Variants in GOT1 observed in about 807,000 individuals in gnomAD.
GOT1 encodes the protein aspartate aminotransferase, cytoplasmic.
A neutral mutation model predicts 48.2 loss-of-function variants in GOT1; 25 were observed. The observed-to-expected ratio is 0.52, with a 90% CI of 0.38 to 0.72. GOT1 has a LOEUF of 0.72. Among genes scored for constraint, GOT1 ranks in the 30% least tolerant of loss-of-function variants. The probability of loss-of-function intolerance (pLI) is 0.00; values close to 1 mark genes in which losing one functional copy is unlikely to be tolerated. For synonymous variants in GOT1, 188 were observed against 193.8 expected, an observed-to-expected ratio of 0.97 and a Z score of 0.25; for missense variants, 380 against 520.1, an observed-to-expected ratio of 0.73 and a Z score of 2.62.
Position 99,403,556 on chromosome 10 carries a change from A to G in GOT1, c.872T>C (p.Ile291Thr), listed in dbSNP as rs573069642. The G allele has an allele frequency of 1.9e-6, 3 of 1,614,050 alleles. No homozygotes were observed. In the South Asian group the frequency reaches 3.3e-5, roughly 18 times the overall value. The change falls in exon 7 of 9, where the codon ATC becomes ACC. Residue 291 changes from isoleucine to threonine, a missense_variant. Coordinates refer to ENST00000370508, the MANE Select transcript of GOT1 (RefSeq NM_002079.3). ...GGGATTGGACCAAGTAATCCGCACG[A>G]TCTTCTCCATCTGGGAAAGGACTTG... The part of the protein sequence containing the change: ...ILQVLSQMEK[I>T]VRITWSNPPA...
intron 1 of GOT1, chr10:99,430,102 G>T: frequency 6.6e-6 from 3 of 455,446 alleles, no homozygotes; most frequent in Non-Finnish European, 8.5e-6. Context: ...AGCCTATCAG[G>T]CTTCCTATTT....
chr10:99,412,333 G>T (rs555878883), intron 2 of GOT1, among the ~76,000 whole-genome samples: 1 of 151,968 alleles, frequency 6.6e-6, no homozygotes, highest in African/African-American at 2.4e-5. Context: ...GGGAGCTATG[G>T]GCGGTGGGGG....
chr10:99,427,488 C>G (rs2033054967), intron 1 of GOT1, among the ~76,000 whole-genome samples: 1 of 152,174 alleles, frequency 6.6e-6, no homozygotes, highest in South Asian at 2.1e-4. Context: ...CCAGGATGGT[C>G]TCAATCTCCT....
At chr10:99,421,827 G>T (rs146461899) in intron 1 of GOT1, among the ~76,000 whole-genome samples, 16 of 152,028 alleles carry the variant, frequency 1.1e-4, no homozygotes, top group Admixed American at 3.3e-4. Flanking sequence ...GAGTGATACT[G>T]ATTTTTATTT....
rs908983553 is a variant in GOT1 at position 99,396,909 on chromosome 10, A to G, written c.*638T>C. On this transcript the variant is annotated 3_prime_UTR_variant, in exon 9 of 9. Coordinates refer to ENST00000370508, the MANE Select transcript of GOT1 (RefSeq NM_002079.3). ...TTTATTTTATTTTTTTAGGTGAAGTAGAACACAATAGAATGGCTCAAAAAT... is the reference window on the plus strand; with the variant it reads ...TTTATTTTATTTTTTTAGGTGAAGTGGAACACAATAGAATGGCTCAAAAAT... 3 of 152,260 alleles carry G rather than the reference A, an allele frequency of 2.0e-5. No individual in the cohort carries two copies. Among genetic ancestry groups the G allele is most frequent in the Admixed American group, 1.3e-4 (2 of 15,284 alleles). 9.4% of individuals were successfully genotyped at this position (152,260 alleles called of 1,614,324 possible).
intron 1 of GOT1, among the ~76,000 whole-genome samples, chr10:99,427,023 T>G (rs892501534): frequency 9.2e-5 from 14 of 152,224 alleles, no homozygotes; most frequent in African/African-American, 3.4e-4. Context: ...GACCTTTTAT[T>G]CTACTCTAAT....
In GOT1 at chr10:99,397,759, T is replaced by G; in HGVS notation, c.1103-73A>C. The G allele has an allele frequency of 7.2e-7, 1 of 1,394,804 alleles. No homozygotes were observed. The highest frequency in any genetic ancestry group is 1.0e-6 in the Non-Finnish European group (1 of 986,574). 86.4% of individuals were successfully genotyped at this position (1,394,804 alleles called of 1,614,324 possible). On this transcript the variant is annotated intron_variant, in intron 8 of 8. Coordinates refer to ENST00000370508, the MANE Select transcript of GOT1 (RefSeq NM_002079.3). The surrounding 1 kb of genome is among the most constrained non-coding windows in gnomAD (Gnocchi z 5.4). ...AAGCAGTGGAGGCTCAGCAATTATA[T>G]GACAATTACAGCTTTACTTCTTTCC...
intron 1 of GOT1, among the ~76,000 whole-genome samples, chr10:99,422,733 C>T (rs1057227528): frequency 6.6e-6 from 1 of 152,186 alleles, no homozygotes; most frequent in African/African-American, 2.4e-5. Context: ...TACATATGCC[C>T]TTTTAAACAA....
chr10:99,413,472 C>T (rs1197162419), intron 2 of GOT1, among the ~76,000 whole-genome samples: 1 of 152,168 alleles, frequency 6.6e-6, no homozygotes, highest in Non-Finnish European at 1.5e-5. Context: ...GATTGGTGTA[C>T]CTGAAAGTGA....
At chr10:99,402,854 A>C in intron 7 of GOT1, 132 bp from the exon 8 acceptor site, 2 of 700,872 alleles carry the variant, frequency 2.9e-6, no homozygotes, top group Non-Finnish European at 4.9e-6. Context: ...TGGCATGTGG[A>C]TGTCTGGATG....
At position 99,406,154 on chromosome 10, in the gene GOT1, A is replaced by G; in HGVS notation, c.520T>C (p.Phe174Leu). The G allele has an allele frequency of 6.2e-7, 1 of 1,602,306 alleles. No individual in the cohort carries two copies. Among genetic ancestry groups the G allele is most frequent in the South Asian group, 1.1e-5 (1 of 90,862 alleles). ...TCACCCACCTCCAGATCATTCAGGAAGCCCTGGAGGTCCAATCCTCTCTTC... is the reference window on the plus strand; with the variant it reads ...TCACCCACCTCCAGATCATTCAGGAGGCCCTGGAGGTCCAATCCTCTCTTC... ...AEKRGLDLQGFLNDLENAPEF... is the reference protein window; with the variant it reads ...AEKRGLDLQGLLNDLENAPEF... Residue 174 changes from phenylalanine (F) to leucine (L), a missense_variant, in exon 4 of 9, where the codon TTC becomes CTC. Phe to Leu is a conservative substitution (Grantham distance 22, BLOSUM62 0). Transcript: ENST00000370508.
chr10:99,426,383 T>A (rs1471919644), intron 1 of GOT1, among the ~76,000 whole-genome samples: 1 of 152,086 alleles, frequency 6.6e-6, no homozygotes, highest in Non-Finnish European at 1.5e-5. Flanking sequence ...GATCGCCACT[T>A]CCCTCACCTA....
intron 1 of GOT1, among the ~76,000 whole-genome samples, chr10:99,426,649 C>G (rs1380682463): frequency 6.6e-6 from 1 of 152,212 alleles, no homozygotes; most frequent in Non-Finnish European, 1.5e-5. Flanking sequence ...GTCCTTAAAA[C>G]CACTTCAGTC....
chr10:99,425,645 A>G (rs2033028958), intron 1 of GOT1, among the ~76,000 whole-genome samples: 2 of 152,184 alleles, frequency 1.3e-5, no homozygotes, highest in Non-Finnish European at 2.9e-5. Flanking sequence ...ATAAAAAGAC[A>G]GGGGATTGGG....
At chr10:99,418,803 A>T (rs2032931715) in intron 2 of GOT1, among the ~76,000 whole-genome samples, 1 of 151,824 alleles carries the variant, frequency 6.6e-6, no homozygotes, top group South Asian at 2.1e-4. Context: ...ACGCCTGGCC[A>T]GTTCCCCACT....
intron 2 of GOT1, among the ~76,000 whole-genome samples, chr10:99,414,067 C>G (rs2032862260): frequency 6.6e-6 from 1 of 152,178 alleles, no homozygotes; most frequent in Non-Finnish European, 1.5e-5. Flanking sequence ...ATCATAATAA[C>G]AGGATCAAAT....
intron 1 of GOT1, 64 bp from the exon 2 acceptor site, chr10:99,420,869 A>G: frequency 7.6e-7 from 1 of 1,308,926 alleles, no homozygotes; most frequent in South Asian, 1.4e-5. Context: ...AAGAGTTTGT[A>G]ACTGTGAACC....
intron 1 of GOT1, 111 bp downstream of exon 1, chr10:99,430,337 C>G (rs1195516379): frequency 6.2e-7 from 1 of 1,605,436 alleles, no homozygotes; most frequent in Non-Finnish European, 8.5e-7. Flanking sequence ...CGGCGCCGCC[C>G]TCTTCAGGCA....
intron 2 of GOT1, among the ~76,000 whole-genome samples, chr10:99,410,940 G>A (rs2032821130): frequency 6.6e-6 from 1 of 152,196 alleles, no homozygotes; most frequent in African/African-American, 2.4e-5. Flanking sequence ...GTCAGCATAA[G>A]ATTGCTGGAT....
Sources: allele counts gnomAD v4.1 joint callset (sites outside exome capture counted in the v4.1 genomes callset), GRCh38; gene constraint gnomAD v4.1.1; non-coding constraint Gnocchi (gnomAD v3.1); transcripts MANE v1.5; gene names NCBI Gene and HGNC (gene_info 2026-07-23, HGNC 2026-07-21).